Variants in MGAT4B observed in about 807,000 individuals in gnomAD.
The protein encoded by MGAT4B is alpha-1,3-mannosyl-glycoprotein 4-beta-N-acetylglucosaminyltransferase B, also known as N-acetylglucosaminyltransferase IVb.
MGAT4B carries 38 observed loss-of-function variants against 73.9 expected under a neutral mutation model. The ratio of observed to expected loss-of-function variants is 0.51; its 90% CI spans 0.40 to 0.67. MGAT4B has a LOEUF of 0.67. Among genes scored for constraint, MGAT4B ranks in the 30% least tolerant of loss-of-function variants. The pLI, the probability that MGAT4B is intolerant of heterozygous loss-of-function variation, is 0.00. For synonymous variants in MGAT4B, 373 were observed against 313.5 expected (o/e 1.19, Z -2.01); for missense variants, 686 against 735.2 (o/e 0.93, Z 0.77).
Position 179,801,305 on chromosome 5 carries a change from C to T in MGAT4B, c.558+29G>A. On this transcript the variant is annotated intron_variant, in intron 4 of 14. Transcript: ENST00000292591. The surrounding 1 kb of genome is among the most constrained non-coding windows in gnomAD (Gnocchi z 4.8). ...GCACCGCGGGGGCTCCTCTGAATGT[C>T]CCCCAACCCCGCGTCCCGGCTCACT... 1 of 1,593,910 alleles carries T rather than the reference C, an allele frequency of 6.3e-7. No homozygotes were observed. Among genetic ancestry groups the T allele is most frequent in the Non-Finnish European group, 8.6e-7 (1 of 1,167,554 alleles).
In MGAT4B at chr5:179,798,043, G is replaced by A; in HGVS notation, c.*2C>T. On this transcript the variant is annotated 3_prime_UTR_variant, in exon 15 of 15. Transcript: ENST00000292591. ...CACAGGGTACCCTCAGAAGCCCGCA[G>A]CTTAGTCGGCCTTTTTCAGGAAGAT... 6.2e-7 allele frequency: 1 copy of A among 1,608,304 alleles called. No homozygotes were observed. Among genetic ancestry groups the A allele is most frequent in the Non-Finnish European group, 8.5e-7 (1 of 1,178,056 alleles).
Position 179,798,087 on chromosome 5 carries a change from G to C in MGAT4B, c.1624-19C>G. The C allele has an allele frequency of 6.2e-7, 1 of 1,608,066 alleles. No individual in the cohort carries two copies. Among genetic ancestry groups the C allele is most frequent in the South Asian group, 1.1e-5 (1 of 90,192 alleles). ...GGAAGATCTGGAAGAGCCGGACCCA[G>C]GGTCAGCAGGGCCTCTGAGCTCCGC... On this transcript the variant is annotated intron_variant, in intron 14 of 14. Transcript: ENST00000292591.
Position 179,798,043 on chromosome 5 carries a change from G to C in MGAT4B, c.*2C>G, listed in dbSNP as rs1180560315. 8 of 1,608,304 alleles carry C rather than the reference G, an allele frequency of 5.0e-6. No homozygotes were observed. The highest frequency in any genetic ancestry group is 1.1e-5 in the South Asian group (1 of 90,112). On this transcript the variant is annotated 3_prime_UTR_variant, in exon 15 of 15. Transcript: ENST00000292591. The stretch of plus-strand genomic sequence containing the variant: ...CACAGGGTACCCTCAGAAGCCCGCA[G>C]CTTAGTCGGCCTTTTTCAGGAAGAT...
chr5:179,798,163 A>C lies in MGAT4B; in HGVS notation c.1623+2T>G, dbSNP rs1167137470. The C allele has an allele frequency of 6.3e-7, 1 of 1,592,118 alleles. No homozygotes were observed. Among genetic ancestry groups the C allele is most frequent in the Admixed American group, 1.8e-5 (1 of 56,646 alleles). ...GCCTGGCCTGGCCCTGCCCAGCCTC[A>C]CCTCGCTCAGAATCACCCACACAGG... On this transcript the variant is annotated splice_donor_variant, in intron 14 of 14. Transcript: ENST00000292591. LOFTEE classifies it high-confidence loss of function.
rs764565356 is a variant in MGAT4B, at chr5:179,801,508, G to C, written c.425-41C>G. The C allele has an allele frequency of 9.4e-6, 15 of 1,602,470 alleles. No individual in the cohort carries two copies. Among genetic ancestry groups the C allele is most frequent in the Non-Finnish European group, 1.3e-5 (15 of 1,172,706 alleles). ...GCCCGACGCTGGAAAGGGTGCGGGGGCCACCCGTCCCCCCACCCCGTGCTC... is the reference window on the plus strand; with the variant it reads ...GCCCGACGCTGGAAAGGGTGCGGGGCCCACCCGTCCCCCCACCCCGTGCTC... On this transcript the variant is annotated intron_variant, in intron 3 of 14. Transcript: ENST00000292591. The surrounding 1 kb of genome is among the most constrained non-coding windows in gnomAD (Gnocchi z 4.8).
rs945022156 is a variant in MGAT4B at position 179,806,344 on chromosome 5, T to C, written c.97+143A>G. ...CCAGCAGCAAACAAGTGGGGGAGGG[T>C]GGGAGGGGCGTCCTCGCGCCGCCCG... On this transcript the variant is annotated intron_variant, in intron 1 of 14. Transcript: ENST00000292591. This position sits in a 1 kb window ranked among gnomAD's most constrained non-coding sequence, Gnocchi z 4.6. The C allele has an allele frequency of 1.6e-5, 2 of 129,020 alleles. No individual in the cohort carries two copies. The highest frequency in any genetic ancestry group is 6.4e-4 in the East Asian group (2 of 3,132). 8.0% of individuals were successfully genotyped at this position (129,020 alleles called of 1,614,324 possible).
intron 5 of MGAT4B, 43 bp downstream of exon 5, chr5:179,800,864 C>G: frequency 6.2e-7 from 1 of 1,605,516 alleles, no homozygotes. Flanking sequence ...CACCCCGCAC[C>G]GAGCTCTCCC....
chr5:179,802,560 A>G (rs1485978373), intron 1 of MGAT4B: 5 of 995,904 alleles, frequency 5.0e-6, no homozygotes, highest in Non-Finnish European at 6.0e-6. Context: ...GCTCAAGGAC[A>G]GTCAACAGCA....
rs751247174 is a variant in MGAT4B at position 179,798,580 on chromosome 5, C to A, written c.1355G>T (p.Arg452Leu). 2 of 1,613,320 alleles carry A rather than the reference C, an allele frequency of 1.2e-6. No individual in the cohort carries two copies. Among genetic ancestry groups the A allele is most frequent in the Admixed American group, 1.7e-5 (1 of 60,002 alleles). ...QPLRLERFFF[R>L]SGNIEHPEDK... Reference sequence around the variant, plus strand: ...CTCCGGGTGCTCGATGTTCCCACTGCGGAAGAAGAACCTGCAGCCAGGCAG... The same window carrying A: ...CTCCGGGTGCTCGATGTTCCCACTGAGGAAGAAGAACCTGCAGCCAGGCAG... Residue 452 changes from arginine (R) to leucine (L), a missense_variant, in exon 12 of 15, where the codon CGC (arginine) becomes CTC (leucine). This residue lies in a region of MGAT4B where 449 missense variants were observed against 536.8 expected (regional missense o/e 0.84). Coordinates refer to ENST00000292591, the MANE Select transcript of MGAT4B (RefSeq NM_014275.5).
At chr5:179,798,325 C>A in intron 13 of MGAT4B, 22 bp downstream of exon 13, 4 of 1,613,020 alleles carry the variant, frequency 2.5e-6, no homozygotes, top group Non-Finnish European at 3.4e-6. Context: ...CCAGCCCACG[C>A]TCTCCCCCAA....
Position 179,801,920 on chromosome 5 carries a change from CCGA to C in MGAT4B, c.144_146del (p.Asp48_Arg49delinsGlu). The C allele has an allele frequency of 6.2e-7, 1 of 1,613,358 alleles. No homozygotes were observed. Among genetic ancestry groups the C allele is most frequent in the Non-Finnish European group, 8.5e-7 (1 of 1,179,984 alleles). On this transcript the variant is annotated inframe_deletion, in exon 2 of 15. Transcript: ENST00000292591. The surrounding 1 kb of genome is among the most constrained non-coding windows in gnomAD (Gnocchi z 4.8). ...GGCTCTCCTGCTCAGCTGCGTGCAACCGATCGCGCAGCGCCAGGAACTCCCGCT... is the reference window on the plus strand; with the variant it reads ...GGCTCTCCTGCTCAGCTGCGTGCAACTCGCGCAGCGCCAGGAACTCCCGCT...
In MGAT4B at chr5:179,798,371, T is replaced by C. The variant is rs1308358212; in HGVS notation, c.1486A>G (p.Ser496Gly). The change falls in exon 13 of 15, where the codon AGC (serine) becomes GGC (glycine). Residue 496 changes from serine to glycine, a missense_variant. Ser to Gly is a moderately conservative substitution (Grantham distance 56). Transcript: ENST00000292591. Reference protein sequence around the residue: ...GRTATLRYPRSPDGYLQIGSF... With the variant: ...GRTATLRYPRGPDGYLQIGSF... ...CCGATCTGGAGGTAGCCGTCGGGGC[T>C]CCGAGGGTACCGGAGGGTGGCGGTG... 11 of 1,612,968 alleles carry C rather than the reference T, an allele frequency of 6.8e-6. No individual in the cohort carries two copies. Among genetic ancestry groups the C allele is most frequent in the Non-Finnish European group, 9.3e-6 (11 of 1,179,980 alleles).
At chr5:179,803,218 G>A (rs1474266809) in intron 1 of MGAT4B, 1 of 985,278 alleles carries the variant, frequency 1.0e-6, no homozygotes, top group Non-Finnish European at 1.2e-6. Flanking sequence ...TACCCAAGAA[G>A]CCAGCCCCCA....
In MGAT4B at chr5:179,801,668, CG is replaced by C; in HGVS notation, c.309del (p.Asn103LysfsTer43). The stretch of plus-strand genomic sequence containing the variant: ...AGGTGCAGCACGTGCCGGTGTGAGC[CG>C]TTCCACGGCTTCAATCGGGGGTCCT... Reference protein sequence around the residue: ...LTEDPRLKPWNGSHRHVLHLP... With the variant: ...LTEDPRLKPWXGSHRHVLHLP... On this transcript the variant is annotated frameshift_variant, in exon 3 of 15. Coordinates refer to ENST00000292591, the MANE Select transcript of MGAT4B (RefSeq NM_014275.5). LOFTEE classifies it high-confidence loss of function. The surrounding 1 kb of genome is among the most constrained non-coding windows in gnomAD (Gnocchi z 4.8). 1.2e-6 allele frequency: 2 copies of C among 1,607,698 alleles called. No individual in the cohort carries two copies. Among genetic ancestry groups the C allele is most frequent in the Non-Finnish European group, 1.7e-6 (2 of 1,178,490 alleles).
chr5:179,798,877 G>T (rs1259528428), intron 11 of MGAT4B, 51 bp downstream of exon 11: 1 of 1,597,946 alleles, frequency 6.3e-7, no homozygotes. Flanking sequence ...CCTACACCCT[G>T]GGGGCCACCC....
At position 179,799,823 on chromosome 5, in the gene MGAT4B, G is replaced by A. The variant is rs1318068768; in HGVS notation, c.910+131C>T. The A allele has an allele frequency of 4.1e-6, 5 of 1,223,612 alleles. No homozygotes were observed. The Admixed American group carries it at 5.6e-5, about 14-fold the overall frequency. The allele number at this position is 1,223,612 out of a possible 1,614,324, so 75.8% of individuals were successfully genotyped here. On this transcript the variant is annotated intron_variant, in intron 8 of 14. Transcript: ENST00000292591. ...CACAGGCAATGAGAACAGGCCAGGT[G>A]GGGCTGTAGCACGCACACCAGGCAG...
rs781196033 is a variant in MGAT4B, at chr5:179,801,968, G to A, written c.99C>T (p.Gly33=). The part of the protein sequence containing the change: ...SWYAALSGQK[G]DVVDVYQREF... ...CCCGCTGGTAAACGTCCACAACGTC[G>A]CCTGCAGGTGGTAGGCAAGCCGTCA... The change falls in exon 2 of 15, where the codon GGC becomes GGT. Residue 33 remains glycine (G), a splice_region_variant and synonymous_variant. Coordinates refer to ENST00000292591, the MANE Select transcript of MGAT4B (RefSeq NM_014275.5). This position sits in a 1 kb window ranked among gnomAD's most constrained non-coding sequence, Gnocchi z 4.8. 6 of 1,613,380 alleles carry A rather than the reference G, an allele frequency of 3.7e-6. No homozygotes were observed. Among genetic ancestry groups the A allele is most frequent in the Admixed American group, 1.7e-5 (1 of 60,022 alleles).
chr5:179,802,761 A>T, intron 1 of MGAT4B: 1 of 985,560 alleles, frequency 1.0e-6, no homozygotes, highest in Non-Finnish European at 1.2e-6. Flanking sequence ...GAGAGGCACC[A>T]CCAGTCTGGC....
At chr5:179,800,879 C>T (rs769212203) in intron 5 of MGAT4B, 28 bp downstream of exon 5, 39 of 1,612,190 alleles carry the variant, frequency 2.4e-5, no homozygotes, top group Non-Finnish European at 3.3e-5. Flanking sequence ...TCTCCCGCCA[C>T]CAGCTCTCTG....
Sources: gnomAD v4.1 joint callset for allele counts on GRCh38, gnomAD v4.1.1 for gene constraint, gnomAD v4.1.1 regional missense constraint, Gnocchi (gnomAD v3.1) non-coding constraint, MANE v1.5 for transcripts, NCBI Gene and HGNC (gene_info 2026-07-23, HGNC 2026-07-21) for gene names.